TCF12: variants seen among roughly 807,000 people sequenced by gnomAD.
TCF12 encodes the protein transcription factor 12.
Under a neutral mutation model 86.0 loss-of-function variants are expected in TCF12, and 45 were observed. That is an observed-to-expected ratio of 0.52 (90% CI 0.41 to 0.67). The LOEUF is 0.67. Ranked by LOEUF, TCF12 falls within the 30% of genes least tolerant of loss-of-function variation. The pLI, the probability that TCF12 is intolerant of heterozygous loss-of-function variation, is 0.00. For synonymous variants in TCF12, 330 were observed against 299.6 expected, an observed-to-expected ratio of 1.10 and a Z score of -1.05; for missense variants, 881 against 859.9, an observed-to-expected ratio of 1.02 and a Z score of -0.31.
At chr15:57,007,770 CTT>C in intron 3 of TCF12, among the ~76,000 whole-genome samples, 1 of 47,520 alleles carries the variant, frequency 2.1e-5, no homozygotes, top group Middle Eastern at 0.013. Flanking sequence ...TTCTTTCTTT[CTT>C]TCTTTCTTTC....
intron 5 of TCF12, among the ~76,000 whole-genome samples, chr15:57,125,629 A>G (rs1384271859): frequency 6.6e-6 from 1 of 152,238 alleles, no homozygotes; most frequent in African/African-American, 2.4e-5. Flanking sequence ...ACACATAGCT[A>G]ATTTCTAGAA....
chr15:56,977,391 A>G (rs1325951427), intron 3 of TCF12, among the ~76,000 whole-genome samples: 1 of 152,130 alleles, frequency 6.6e-6, no homozygotes, highest in Non-Finnish European at 1.5e-5. Context: ...CAAGTAGCCA[A>G]GAGTGATGGC....
intron 9 of TCF12, 53 bp downstream of exon 9, chr15:57,231,310 C>A: frequency 7.6e-7 from 1 of 1,313,264 alleles, no homozygotes; most frequent in Non-Finnish European, 1.1e-6. Flanking sequence ...TGTATATCAG[C>A]CAGTATTTTA....
intron 3 of TCF12, among the ~76,000 whole-genome samples, chr15:56,955,877 G>A (rs1855883781): frequency 6.6e-6 from 1 of 152,062 alleles, no homozygotes; most frequent in South Asian, 2.1e-4. Context: ...TATCCTTGCA[G>A]TTTCATCAGT....
intron 3 of TCF12, among the ~76,000 whole-genome samples, chr15:56,939,794 A>T (rs1314988083): frequency 6.6e-6 from 1 of 152,080 alleles, no homozygotes; most frequent in East Asian, 1.9e-4. Context: ...TGGAGACGTG[A>T]GGTGTTCATT....
chr15:57,204,748 T>C (rs1243120115), intron 8 of TCF12, among the ~76,000 whole-genome samples: 2 of 145,152 alleles, frequency 1.4e-5, no homozygotes, highest in African/African-American at 5.4e-5. Flanking sequence ...CCTGAGGGTG[T>C]CTAAACTGAA....
intron 5 of TCF12, among the ~76,000 whole-genome samples, chr15:57,143,900 T>C (rs1264127095): frequency 6.6e-6 from 1 of 152,202 alleles, no homozygotes; most frequent in African/African-American, 2.4e-5. Flanking sequence ...TGCTTACTTC[T>C]GTCTCCAGTA....
intron 6 of TCF12, among the ~76,000 whole-genome samples, chr15:57,176,399 G>A (rs1374933734): frequency 6.6e-6 from 1 of 152,184 alleles, no homozygotes; most frequent in African/African-American, 2.4e-5. Context: ...TATAAGCACA[G>A]ACAGCAAATG....
At chr15:57,240,190 T>G (rs192831339) in intron 12 of TCF12, among the ~76,000 whole-genome samples, 2 of 152,342 alleles carry the variant, frequency 1.3e-5, no homozygotes, top group East Asian at 3.9e-4. Flanking sequence ...ATCTGTACAT[T>G]GAACCCTCAC....
At position 57,215,525 on chromosome 15, in the gene TCF12, A is replaced by G. The variant is rs1321460637; in HGVS notation, c.580-15627A>G. The stretch of plus-strand genomic sequence containing the variant: ...AAGTCTGTTTTCCAAGATTTGATTC[A>G]CTTAGAAATAATGTTGAAACTTTTC... On this transcript the variant is annotated intron_variant, in intron 8 of 20. Coordinates refer to ENST00000333725, the MANE Select transcript of TCF12 (RefSeq NM_207037.2). 2.6e-5 allele frequency among the ~76,000 whole-genome samples: 4 copies of G among 152,130 alleles called. No individual in the cohort carries two copies. In the South Asian group the frequency reaches 6.2e-4, roughly 24 times the overall value.
chr15:57,052,990 G>A (rs2067746297), intron 3 of TCF12, among the ~76,000 whole-genome samples: 1 of 152,050 alleles, frequency 6.6e-6, no homozygotes, highest in African/African-American at 2.4e-5. Context: ...TGGGATTGCT[G>A]GGTCATTATG....
At chr15:56,930,862 T>C (rs1788163329) in intron 3 of TCF12, among the ~76,000 whole-genome samples, 1 of 152,202 alleles carries the variant, frequency 6.6e-6, no homozygotes, top group African/African-American at 2.4e-5. Flanking sequence ...TCTGATCTTA[T>C]CTGAAGGGAG....
chr15:57,195,933 A>G (rs1377027533), intron 7 of TCF12, among the ~76,000 whole-genome samples: 3 of 152,146 alleles, frequency 2.0e-5, no homozygotes, highest in African/African-American at 7.2e-5. Context: ...GAGCCCAGGA[A>G]TTCAAGGCTG....
rs1282865214 is a variant in TCF12 at position 57,266,085 on chromosome 15, TATTATTTATTTA to T, written c.1745+2812_1745+2823del. On this transcript the variant is annotated intron_variant, in intron 18 of 20. Transcript: ENST00000333725. ...CACTGCCTATTTTTGTTTTTGTTTT[TATTATTTATTTA>T]TTTATTTATTTATTTATTTATTTAT... is the stretch of plus-strand genomic sequence containing the variant. 2.3e-3 allele frequency among the ~76,000 whole-genome samples: 335 copies of T among 145,844 alleles called. 13 individuals are homozygous for T. The East Asian group carries it at 0.053, about 23-fold the overall frequency.
At chr15:57,253,606 G>C (rs1480390952) in intron 16 of TCF12, 138 bp downstream of exon 16, 1 of 968,968 alleles carries the variant, frequency 1.0e-6, no homozygotes, top group Non-Finnish European at 1.5e-6. Context: ...ACTGTCTTTG[G>C]CAGTAAAGTA....
chr15:57,171,185 A>G (rs2055466166), intron 6 of TCF12, among the ~76,000 whole-genome samples: 1 of 152,010 alleles, frequency 6.6e-6, no homozygotes, highest in Non-Finnish European at 1.5e-5. Context: ...AAATAACAAT[A>G]TTGCTATATA....
intron 3 of TCF12, among the ~76,000 whole-genome samples, chr15:56,958,766 C>T (rs147543309): frequency 6.6e-6 from 1 of 151,810 alleles, no homozygotes; most frequent in East Asian, 1.9e-4. Flanking sequence ...AATCCCACCA[C>T]TTTGGGAGGC....
chr15:56,938,695 G>A (rs1458670000), intron 3 of TCF12, among the ~76,000 whole-genome samples: 1 of 143,160 alleles, frequency 7.0e-6, no homozygotes, highest in African/African-American at 2.6e-5. Flanking sequence ...CAGTGTCGCT[G>A]CTTGTTTCTT....
At chr15:57,081,294 G>T (rs1431560023) in intron 4 of TCF12, among the ~76,000 whole-genome samples, 1 of 152,110 alleles carries the variant, frequency 6.6e-6, no homozygotes, top group Non-Finnish European at 1.5e-5. Context: ...GTTATTACTA[G>T]AAAGGCAGCA....
Sources: gnomAD v4.1 joint callset for allele counts (sites outside exome capture counted in the v4.1 genomes callset) on GRCh38, gnomAD v4.1.1 for gene constraint, MANE v1.5 for transcripts, NCBI Gene and HGNC (gene_info 2026-07-23, HGNC 2026-07-21) for gene names.